The following TTLL13 variants were observed in gnomAD, a reference collection of about 807,000 sequenced individuals.
The protein encoded by TTLL13 is tubulin tyrosine ligase like 13, also known as tubulin polyglutamylase TTLL13.
the TTLL13 span, chr15:90,263,044 C>T: frequency 1.3e-6 from 2 of 1,536,036 alleles, no homozygotes; most frequent in Non-Finnish European, 1.7e-6. Flanking sequence ...GAAGGCCCTG[C>T]TACAAAGGGA....
chr15:90,250,945 C>T, the TTLL13 span: 2 of 1,574,784 alleles, frequency 1.3e-6, no homozygotes, highest in Non-Finnish European at 8.6e-7. Context: ...CCATTGGCCT[C>T]CCTTCAACAT....
At chr15:90,259,067 TA>T in the TTLL13 span, 2 of 1,479,184 alleles carry the variant, frequency 1.4e-6, no homozygotes, top group Non-Finnish European at 1.8e-6. Flanking sequence ...ATATTTGCAT[TA>T]AAAAAATCAC....
At chr15:90,258,876 G>T in the TTLL13 span, 127 of 1,614,184 alleles carry the variant, frequency 7.9e-5, 1 homozygote, top group African/African-American at 1.4e-3. Flanking sequence ...GAGGATAAGC[G>T]GCGAGTCAAG....
the TTLL13 span, among the ~76,000 whole-genome samples, chr15:90,264,406 C>T: frequency 1.2e-3 from 186 of 152,282 alleles, no homozygotes; most frequent in African/African-American, 4.3e-3. Flanking sequence ...GTCTTGAACT[C>T]CTGATCCACC....
At chr15:90,261,401 G>A in the TTLL13 span, among the ~76,000 whole-genome samples, 1 of 147,634 alleles carries the variant, frequency 6.8e-6, no homozygotes, top group African/African-American at 2.5e-5. Flanking sequence ...TTTTTCAAAT[G>A]GAAAGCTAAT....
the TTLL13 span, among the ~76,000 whole-genome samples, chr15:90,256,570 TTTCTTTC>T: frequency 1.1e-4 from 4 of 36,386 alleles, 1 homozygote; most frequent in African/African-American, 3.4e-4. Flanking sequence ...TCTTTCTTTC[TTTCTTTC>T]TTTCTTTCTT....
the TTLL13 span, chr15:90,257,249 A>G: frequency 1.2e-6 from 2 of 1,613,948 alleles, no homozygotes; most frequent in South Asian, 1.1e-5. Context: ...TTTTGCCACC[A>G]CGCCCTATAT....
the TTLL13 span, among the ~76,000 whole-genome samples, chr15:90,253,803 C>T: frequency 5.1e-3 from 776 of 152,310 alleles, 4 homozygotes; most frequent in Middle Eastern, 0.027. Context: ...AGGAATGATC[C>T]ACCGGGGTCC....
chr15:90,263,825 C>A, the TTLL13 span: 2 of 734,164 alleles, frequency 2.7e-6, no homozygotes, highest in Admixed American at 4.0e-5. Flanking sequence ...GGGGCTGCCA[C>A]AGAGCAGGGC....
chr15:90,262,321 C>G, the TTLL13 span: 1 of 1,159,476 alleles, frequency 8.6e-7, no homozygotes, highest in African/African-American at 1.6e-5. Context: ...CTATCAGACT[C>G]TTAGTGACTC....
chr15:90,264,154 C>T, the TTLL13 span: 1 of 734,580 alleles, frequency 1.4e-6, no homozygotes, highest in Non-Finnish European at 2.2e-6. Flanking sequence ...TATGGCACTT[C>T]CACCAGTGTA....
chr15:90,256,543 C>CTTTT, the TTLL13 span, among the ~76,000 whole-genome samples: 1 of 141,100 alleles, frequency 7.1e-6, no homozygotes, highest in Non-Finnish European at 1.5e-5. Context: ...TGTCTCCTTC[C>CTTTT]TTTTTCTTTC....
At chr15:90,265,120 C>A in the TTLL13 span, 2 of 1,251,080 alleles carry the variant, frequency 1.6e-6, no homozygotes, top group Non-Finnish European at 2.1e-6. Context: ...ACAAAGACAC[C>A]AAGAATTCCT....
the TTLL13 span, chr15:90,255,710 A>T: frequency 6.2e-7 from 1 of 1,613,700 alleles, no homozygotes; most frequent in Non-Finnish European, 8.5e-7. Flanking sequence ...GGTGCTAGGA[A>T]ATGCCACTTA....
the TTLL13 span, chr15:90,258,018 C>G: frequency 6.2e-7 from 1 of 1,610,952 alleles, no homozygotes; most frequent in Non-Finnish European, 8.5e-7. Flanking sequence ...TGGCCTTCCT[C>G]TGAGCACTGG....
the TTLL13 span, chr15:90,258,007 C>A: frequency 6.2e-7 from 1 of 1,601,700 alleles, no homozygotes; most frequent in African/African-American, 1.3e-5. Context: ...GGCCTAGAAA[C>A]TGGCCTTCCT....
At chr15:90,253,758 G>T in the TTLL13 span, among the ~76,000 whole-genome samples, 1 of 152,182 alleles carries the variant, frequency 6.6e-6, no homozygotes, top group East Asian at 1.9e-4. Flanking sequence ...CATCCATTAG[G>T]AGACTGCGGG....
the TTLL13 span, chr15:90,258,173 T>C: frequency 5.4e-3 from 8,694 of 1,614,222 alleles, 25 homozygotes; most frequent in Non-Finnish European, 6.6e-3. Flanking sequence ...ACCGAACCTG[T>C]TTTCCCCAGT....
the TTLL13 span, among the ~76,000 whole-genome samples, chr15:90,261,662 C>A: frequency 1.3e-5 from 2 of 152,080 alleles, no homozygotes; most frequent in Non-Finnish European, 2.9e-5. Flanking sequence ...TGCCTGTAAT[C>A]CCAGCTACTT....
Sources: allele counts gnomAD v4.1 joint callset (sites outside exome capture counted in the v4.1 genomes callset), GRCh38; gene constraint gnomAD v4.1.1; transcripts MANE v1.5; gene names NCBI Gene and HGNC (gene_info 2026-07-23, HGNC 2026-07-21).